SOX5: variants seen among roughly 807,000 people sequenced by gnomAD.
SOX5 encodes the protein transcription factor SOX-5.
Under a neutral mutation model 92.0 loss-of-function variants are expected in SOX5, and 9 were observed. The ratio of observed to expected loss-of-function variants is 0.10; its 90% confidence interval spans 0.06 to 0.17. SOX5 has a LOEUF of 0.17. SOX5 is among the 10% of genes least tolerant of loss of function. The pLI is 1.00. For synonymous variants in SOX5, 344 were observed against 336.3 expected (o/e 1.02, Z -0.25); for missense variants, 642 against 944.5 (o/e 0.68, Z 4.20).
intron 7 of SOX5, among the ~76,000 whole-genome samples, chr12:23,661,759 T>C (rs747217658): frequency 6.6e-6 from 1 of 152,216 alleles, no homozygotes; most frequent in Non-Finnish European, 1.5e-5. Flanking sequence ...TCTTGGACTC[T>C]TCAACCATCC....
chr12:23,937,528 T>G (rs1942835606), intron 1 of SOX5, among the ~76,000 whole-genome samples: 1 of 150,990 alleles, frequency 6.6e-6, no homozygotes, highest in Non-Finnish European at 1.5e-5. Context: ...TTAACTTCCA[T>G]GCTAATTTGA....
At chr12:23,993,196 T>C (rs749765655) in intron 4 of SOX5, among the ~76,000 whole-genome samples, 1 of 152,146 alleles carries the variant, frequency 6.6e-6, no homozygotes, top group Non-Finnish European at 1.5e-5. Context: ...ACATATGAGA[T>C]AGATAATCAA....
At chr12:24,168,829 T>TA (rs1953730997) in intron 4 of SOX5, among the ~76,000 whole-genome samples, 1 of 152,194 alleles carries the variant, frequency 6.6e-6, no homozygotes, top group Non-Finnish European at 1.5e-5. Context: ...CATGTGCCTG[T>TA]AGGTCAAAGG....
At chr12:24,511,295 C>T (rs373224161) in intron 1 of SOX5, among the ~76,000 whole-genome samples, 12 of 152,256 alleles carry the variant, frequency 7.9e-5, no homozygotes, top group African/African-American at 2.9e-4. Flanking sequence ...TAAATTAACA[C>T]AATGCAGTGT....
At chr12:23,826,242 T>C (rs555274792) in intron 3 of SOX5, among the ~76,000 whole-genome samples, 5 of 151,296 alleles carry the variant, frequency 3.3e-5, no homozygotes, top group African/African-American at 4.9e-5. Context: ...TTCTCATTGT[T>C]CAGTTCCCAC....
intron 2 of SOX5, among the ~76,000 whole-genome samples, chr12:24,323,326 C>T (rs1409841470): frequency 2.7e-5 from 4 of 150,470 alleles, no homozygotes; most frequent in Non-Finnish European, 5.9e-5. Context: ...TATATATGCA[C>T]ATATATAACA....
chr12:24,183,955 G>C (rs1032640105), intron 4 of SOX5, among the ~76,000 whole-genome samples: 2 of 152,146 alleles, frequency 1.3e-5, no homozygotes, highest in African/African-American at 4.8e-5. Context: ...GTCTGACACA[G>C]AGTAACCACT....
At chr12:23,674,440 C>A (rs1341297583) in intron 6 of SOX5, among the ~76,000 whole-genome samples, 17 of 148,320 alleles carry the variant, frequency 1.1e-4, no homozygotes, top group Non-Finnish European at 1.8e-4. Context: ...CGGGTTCAAG[C>A]AATTCTCCTT....
intron 2 of SOX5, among the ~76,000 whole-genome samples, chr12:24,315,647 A>T (rs1158134176): frequency 6.6e-6 from 1 of 152,162 alleles, no homozygotes; most frequent in Admixed American, 6.5e-5. Flanking sequence ...AATCAAGAGT[A>T]AGAAAAAAAA....
chr12:23,553,777 C>T (rs2136195285), intron 11 of SOX5, among the ~76,000 whole-genome samples: 1 of 152,138 alleles, frequency 6.6e-6, no homozygotes, highest in African/African-American at 2.4e-5. Flanking sequence ...CAAATGTAAA[C>T]ACAAAAGTGG....
At chr12:24,095,946 A>T (rs1464337267) in intron 4 of SOX5, among the ~76,000 whole-genome samples, 1 of 152,132 alleles carries the variant, frequency 6.6e-6, no homozygotes, top group Non-Finnish European at 1.5e-5. Context: ...TCTTTCCTTT[A>T]TAAGTTACCC....
intron 2 of SOX5, among the ~76,000 whole-genome samples, chr12:24,342,452 C>G (rs376720613): frequency 5.8e-4 from 88 of 152,266 alleles, no homozygotes; most frequent in African/African-American, 2.1e-3. Context: ...CCAAATGAAC[C>G]TATTATATCA....
chr12:23,859,428 G>A (rs2136355397), intron 2 of SOX5, among the ~76,000 whole-genome samples: 2 of 152,302 alleles, frequency 1.3e-5, no homozygotes, highest in African/African-American at 4.8e-5. Flanking sequence ...GGCTTACTAG[G>A]ATTGGGAAAT....
At position 23,630,017 on chromosome 12, in the gene SOX5, G is replaced by A. The variant is rs115868912; in HGVS notation, c.1017+10795C>T. 7.7e-3 allele frequency among the ~76,000 whole-genome samples: 1,168 copies of A among 151,990 alleles called. 16 individuals carry two copies. The highest frequency in any genetic ancestry group is 0.027 in the African/African-American group (1,118 of 41,494). On this transcript the variant is annotated intron_variant, in intron 8 of 14. Coordinates refer to ENST00000451604, the MANE Select transcript of SOX5 (RefSeq NM_006940.6). The stretch of plus-strand genomic sequence containing the variant: ...AACATGTAGGTGGAATAAGGGACAT[G>A]TATCCTAGTGTATCAAGGACATGTA...
chr12:24,376,689 CCT>C (rs199948276), intron 1 of SOX5, among the ~76,000 whole-genome samples: 6 of 93,084 alleles, frequency 6.4e-5, no homozygotes, highest in South Asian at 4.0e-4. Flanking sequence ...GGGAGAGATA[CCT>C]TTTTTTTTTT....
chr12:24,205,609 C>T (rs537876831), intron 4 of SOX5, among the ~76,000 whole-genome samples: 4 of 152,284 alleles, frequency 2.6e-5, no homozygotes, highest in East Asian at 1.9e-4. Context: ...CATTGCATCC[C>T]ACTTAGATAA....
At chr12:23,978,818 C>T (rs1949198637) in intron 4 of SOX5, among the ~76,000 whole-genome samples, 1 of 152,050 alleles carries the variant, frequency 6.6e-6, no homozygotes, top group Non-Finnish European at 1.5e-5. Context: ...ATATTTTTCC[C>T]AAATACTCTA....
intron 6 of SOX5, among the ~76,000 whole-genome samples, chr12:23,715,827 A>AAAC (rs1555285804): frequency 9.2e-5 from 14 of 151,442 alleles, no homozygotes; most frequent in African/African-American, 2.4e-4. Flanking sequence ...AAAAAAAAAA[A>AAAC]AAAAAACTTG....
intron 4 of SOX5, among the ~76,000 whole-genome samples, chr12:23,993,916 CATGT>C (rs1298116159): frequency 1.4e-5 from 2 of 147,260 alleles, no homozygotes; most frequent in Non-Finnish European, 3.0e-5. Flanking sequence ...TGTATGTATG[CATGT>C]ATGCATGTAT....
Sources: gnomAD v4.1 joint callset for allele counts (sites outside exome capture counted in the v4.1 genomes callset) on GRCh38, gnomAD v4.1.1 for gene constraint, MANE v1.5 for transcripts, NCBI Gene and HGNC (gene_info 2026-07-23, HGNC 2026-07-21) for gene names.